Variants in MALRD1 observed in about 807,000 individuals in gnomAD.
MALRD1 encodes MAM and LDL receptor class A domain containing 1.
A neutral mutation model predicts 242.1 loss-of-function variants in MALRD1; 247 were observed. The ratio of observed to expected loss-of-function variants is 1.02; its 90% CI spans 0.92 to 1.13. The LOEUF (loss-of-function observed/expected upper bound fraction) is 1.13, where lower values mean the gene tolerates loss of function less well. Ranked by LOEUF, MALRD1 falls within the 50% of genes most tolerant of loss-of-function variation. The pLI is 0.00. For missense variants in MALRD1, 2,989 were observed against 2,533.1 expected (o/e 1.18, Z -3.86); for synonymous variants, 995 against 866.6 (o/e 1.15, Z -2.60).
chr10:19,259,538 T>C (rs988586763), intron 19 of MALRD1, among the ~76,000 whole-genome samples: 1 of 152,128 alleles, frequency 6.6e-6, no homozygotes, highest in African/African-American at 2.4e-5. Context: ...TATCAAATCT[T>C]GTAAGACTTA....
At chr10:19,451,046 T>C (rs1835294385) in intron 29 of MALRD1, among the ~76,000 whole-genome samples, 1 of 152,212 alleles carries the variant, frequency 6.6e-6, no homozygotes, top group Non-Finnish European at 1.5e-5. Context: ...ACCATAGCGA[T>C]ATCTTCTTCA....
At chr10:19,339,054 AC>A (rs1249019407) in intron 24 of MALRD1, among the ~76,000 whole-genome samples, 7 of 151,806 alleles carry the variant, frequency 4.6e-5, no homozygotes, top group African/African-American at 1.4e-4. Flanking sequence ...ACACACACAC[AC>A]ATAAATACAC....
At position 19,106,974 on chromosome 10, in the gene MALRD1, C is replaced by T. The variant is rs192445427; in HGVS notation, c.694+2899C>T. Among the ~76,000 whole-genome samples the T allele has an allele frequency of 2.8e-3, 425 of 151,886 alleles. 1 individual carries two copies. The highest frequency in any genetic ancestry group is 4.7e-3 in the Non-Finnish European group (322 of 67,810). ...TCATTGTTGAATTCTAGTTTTATTC[C>T]GTTTTGGCTGGAAAAGATAATTACT... is the stretch of plus-strand genomic sequence containing the variant. On this transcript the variant is annotated intron_variant, in intron 5 of 39. Coordinates refer to ENST00000454679, the MANE Select transcript of MALRD1 (RefSeq NM_001142308.3).
At position 19,299,803 on chromosome 10, in the gene MALRD1, C is replaced by T. The variant is rs146955168; in HGVS notation, c.3419+16622C>T. Among the ~76,000 whole-genome samples the T allele has an allele frequency of 2.3e-3, 343 of 151,920 alleles. 4 individuals carry two copies. The highest frequency in any genetic ancestry group is 7.8e-3 in the African/African-American group (324 of 41,480). On this transcript the variant is annotated intron_variant, in intron 21 of 39. Transcript: ENST00000454679. ...AGCTGGAAGCATTCCTCCTGAGAAC[C>T]AGAACAAGACAAGGATGCCCACTCT... is the stretch of plus-strand genomic sequence containing the variant.
At chr10:19,616,692 A>T (rs1193387949) in intron 36 of MALRD1, among the ~76,000 whole-genome samples, 1 of 152,028 alleles carries the variant, frequency 6.6e-6, no homozygotes, top group East Asian at 1.9e-4. Context: ...AACAATGATT[A>T]ATAGTTGTTT....
chr10:19,298,749 G>C (rs974684158), intron 21 of MALRD1, among the ~76,000 whole-genome samples: 2 of 151,968 alleles, frequency 1.3e-5, no homozygotes, highest in Non-Finnish European at 2.9e-5. Context: ...TAAGAGTGCA[G>C]AGTTTTGGCT....
chr10:19,389,638 G>A (rs1589008115), intron 28 of MALRD1, 29 bp downstream of exon 28: 1 of 1,540,610 alleles, frequency 6.5e-7, no homozygotes. Flanking sequence ...ATGCCTCTGA[G>A]CTTGTTTTGT....
At chr10:19,131,503 CA>C (rs1488298233) in intron 8 of MALRD1, among the ~76,000 whole-genome samples, 1 of 152,136 alleles carries the variant, frequency 6.6e-6, no homozygotes, top group African/African-American at 2.4e-5. Flanking sequence ...CTCATAGCAA[CA>C]GCCTACTTTT....
At chr10:19,701,703 C>T (rs1314103678) in intron 38 of MALRD1, among the ~76,000 whole-genome samples, 1 of 108,116 alleles carries the variant, frequency 9.2e-6, no homozygotes, top group Non-Finnish European at 1.9e-5. Flanking sequence ...CCTTCCTCTT[C>T]CCCTCCCCTA....
At position 19,729,592 on chromosome 10, in the gene MALRD1, C is replaced by CGTGTGTGTGTGTGTGT. The variant is rs113756414; in HGVS notation, c.6315-1107_6315-1092dup. On this transcript the variant is annotated intron_variant, in intron 38 of 39. Coordinates refer to ENST00000454679, the MANE Select transcript of MALRD1 (RefSeq NM_001142308.3). ...TACACATGTGTGTATAGGATCCTTT[C>CGTGTGTGTGTGTGTGT]GTGTGTGTGTGTGTGTGTGTGTATT... Among the ~76,000 whole-genome samples, 209 of 144,308 alleles carry CGTGTGTGTGTGTGTGT rather than the reference C, an allele frequency of 1.4e-3. 3 individuals carry two copies. In the East Asian group the frequency reaches 0.027, roughly 19 times the overall value. 94.7% of individuals were successfully genotyped at this position (144,308 alleles called of 152,430 possible).
At chr10:19,411,645 G>A (rs947057395) in intron 28 of MALRD1, among the ~76,000 whole-genome samples, 1 of 152,218 alleles carries the variant, frequency 6.6e-6, no homozygotes, top group Admixed American at 6.5e-5. Context: ...TCCAGGATCC[G>A]AGCGCTTAAC....
At chr10:19,056,680 T>C (rs996004707) in intron 1 of MALRD1, among the ~76,000 whole-genome samples, 8 of 152,212 alleles carry the variant, frequency 5.3e-5, no homozygotes, top group Admixed American at 4.6e-4. Flanking sequence ...TTTATTTCTT[T>C]CTCTTGCCTA....
intron 19 of MALRD1, among the ~76,000 whole-genome samples, chr10:19,259,250 C>T (rs1166347708): frequency 6.6e-6 from 1 of 152,112 alleles, no homozygotes; most frequent in Non-Finnish European, 1.5e-5. Context: ...TCACCTTTCA[C>T]CAGTGTATAT....
At chr10:19,225,538 T>G (rs72788003) in intron 18 of MALRD1, among the ~76,000 whole-genome samples, 28,646 of 152,022 alleles carry the variant, frequency 0.19, 2,816 homozygotes, top group African/African-American at 0.25. Flanking sequence ...TCATTACCAA[T>G]ATTGCTATGA....
chr10:19,722,000 T>C (rs1009230372), intron 38 of MALRD1: 1 of 152,240 alleles, frequency 6.6e-6, no homozygotes, highest in African/African-American at 2.4e-5. Flanking sequence ...AGGAAATATG[T>C]TATTGAGGGT....
At chr10:19,072,028 C>T (rs561120392) in intron 2 of MALRD1, among the ~76,000 whole-genome samples, 3 of 152,158 alleles carry the variant, frequency 2.0e-5, no homozygotes, top group South Asian at 2.1e-4. Context: ...AGACATCAAC[C>T]GTATACACGT....
intron 36 of MALRD1, among the ~76,000 whole-genome samples, chr10:19,650,219 A>C (rs1840806076): frequency 6.6e-6 from 1 of 152,204 alleles, no homozygotes; most frequent in Non-Finnish European, 1.5e-5. Context: ...AAATTATCCT[A>C]TCTGAAAAAG....
chr10:19,135,860 G>C (rs7916607), intron 9 of MALRD1, among the ~76,000 whole-genome samples: 2,394 of 152,232 alleles, frequency 0.016, 65 homozygotes, highest in African/African-American at 0.055. Context: ...CTAATACTTT[G>C]ACATTATCTT....
At chr10:19,053,599 T>A (rs1344242558) in intron 1 of MALRD1, among the ~76,000 whole-genome samples, 1 of 152,214 alleles carries the variant, frequency 6.6e-6, no homozygotes, top group African/African-American at 2.4e-5. Context: ...AAAGTTTTTT[T>A]TGTTTTTTTA....
Sources: gnomAD v4.1 joint callset for allele counts (sites outside exome capture counted in the v4.1 genomes callset) on GRCh38, gnomAD v4.1.1 for gene constraint, MANE v1.5 for transcripts, NCBI Gene and HGNC (gene_info 2026-07-23, HGNC 2026-07-21) for gene names.